Variants in NFIA observed in about 807,000 individuals in gnomAD.
NFIA encodes nuclear factor 1 A-type.
NFIA carries 8 observed loss-of-function variants against 62.8 expected under a neutral mutation model. The ratio of observed to expected loss-of-function variants is 0.13; its 90% CI spans 0.07 to 0.23. The LOEUF is 0.23. Among genes scored for constraint, NFIA ranks in the 10% least tolerant of loss-of-function variants. The probability of loss-of-function intolerance (pLI) is 1.00; values close to 1 mark genes in which losing one functional copy is unlikely to be tolerated. For missense variants in NFIA, 410 were observed against 642.1 expected (o/e 0.64, Z 3.91); for synonymous variants, 235 against 238.1 (o/e 0.99, Z 0.12).
chr1:61,306,269 C>CTTTTTTTTTTTTTTTTTTTTTTTTTTTTT (rs774297484), intron 3 of NFIA, among the ~76,000 whole-genome samples: 1 of 60,614 alleles, frequency 1.6e-5, no homozygotes, highest in Non-Finnish European at 2.7e-5. Flanking sequence ...AGATTTTGTT[C>CTTTTTTTTTTTTTTTTTTTTTTTTTTTTT]TTTTTTTTTT....
chr1:61,295,166 A>G (rs1227144308), intron 3 of NFIA, among the ~76,000 whole-genome samples: 1 of 152,182 alleles, frequency 6.6e-6, no homozygotes, highest in African/African-American at 2.4e-5. Flanking sequence ...AGCTGTCCTA[A>G]GTGCAGCACT....
chr1:61,336,088 G>A (rs1661591777), intron 4 of NFIA, among the ~76,000 whole-genome samples: 1 of 152,068 alleles, frequency 6.6e-6, no homozygotes, highest in African/African-American at 2.4e-5. Flanking sequence ...TAAGCAACTT[G>A]CTCTTTTTCC....
chr1:61,134,282 GTGTGTA>G (rs1420526076), intron 2 of NFIA, among the ~76,000 whole-genome samples: 1 of 100,866 alleles, frequency 9.9e-6, no homozygotes, highest in African/African-American at 3.6e-5. Flanking sequence ...GTGTGTGTGT[GTGTGTA>G]CAGAAAATCC....
intron 9 of NFIA, among the ~76,000 whole-genome samples, chr1:61,421,208 A>G (rs1042741361): frequency 2.0e-5 from 3 of 152,070 alleles, no homozygotes; most frequent in Admixed American, 6.6e-5. Flanking sequence ...TTAGGCACTC[A>G]TGTTTCCATC....
At position 61,301,083 on chromosome 1, in the gene NFIA, G is replaced by T. The variant is rs139362460; in HGVS notation, c.625+23498G>T. Among the ~76,000 whole-genome samples, 343 of 152,224 alleles carry T rather than the reference G, an allele frequency of 2.3e-3. 1 individual carries two copies. The highest frequency in any genetic ancestry group is 3.6e-3 in the Non-Finnish European group (244 of 68,000). ...ATTACCCATGAGAAAATACATACCAGTTCCTCAAGGGAAGGAAGCTTTCCC... is the reference window on the plus strand; with the variant it reads ...ATTACCCATGAGAAAATACATACCATTTCCTCAAGGGAAGGAAGCTTTCCC... On this transcript the variant is annotated intron_variant, in intron 3 of 10. Transcript: ENST00000403491.
At chr1:61,384,142 A>G (rs17122069) in intron 7 of NFIA, among the ~76,000 whole-genome samples, 1,919 of 152,280 alleles carry the variant, frequency 0.013, 32 homozygotes, top group East Asian at 0.044. Context: ...AATTGTAGCC[A>G]TGTTTGCTTT....
At chr1:61,362,508 G>A (rs1663352349) in intron 6 of NFIA, among the ~76,000 whole-genome samples, 1 of 152,164 alleles carries the variant, frequency 6.6e-6, no homozygotes, top group African/African-American at 2.4e-5. Context: ...GAGGGCCAAA[G>A]GTTGCCAGAA....
intron 9 of NFIA, among the ~76,000 whole-genome samples, chr1:61,413,615 C>CTTTTTTTTTTT: frequency 1.5e-5 from 1 of 68,374 alleles, no homozygotes; most frequent in Non-Finnish European, 2.5e-5. Flanking sequence ...AAGTATTTTG[C>CTTTTTTTTTTT]TTTTTTTTTT....
intron 4 of NFIA, among the ~76,000 whole-genome samples, chr1:61,335,557 A>C (rs1161121512): frequency 6.6e-6 from 1 of 152,134 alleles, no homozygotes; most frequent in Non-Finnish European, 1.5e-5. Context: ...GAAATAAGCT[A>C]ACTGGCCAGG....
At chr1:61,230,098 A>G (rs1654578376) in intron 2 of NFIA, among the ~76,000 whole-genome samples, 1 of 152,230 alleles carries the variant, frequency 6.6e-6, no homozygotes, top group Non-Finnish European at 1.5e-5. Flanking sequence ...ATCTACCTAG[A>G]CAAAAGGTTT....
intron 2 of NFIA, among the ~76,000 whole-genome samples, chr1:61,266,348 A>AT (rs918512510): frequency 6.6e-6 from 1 of 151,494 alleles, no homozygotes; most frequent in South Asian, 2.1e-4. Context: ...GAAAGAGCTA[A>AT]TTTTTTTTCT....
At position 61,461,243 on chromosome 1, in the gene NFIA, T is replaced by C. The variant is rs1457750075; in HGVS notation, c.*5923T>C. 6.6e-6 allele frequency: 1 copy of C among 152,192 alleles called. No homozygotes were observed. Among genetic ancestry groups the C allele is most frequent in the Non-Finnish European group, 1.5e-5 (1 of 68,028 alleles). The allele number at this position is 152,192 out of a possible 1,614,324, so 9.4% of individuals were successfully genotyped here. A position where few individuals can be genotyped will look rare whatever the true frequency, so the allele number is the denominator to read the frequency against. On this transcript the variant is annotated 3_prime_UTR_variant, in exon 11 of 11. Transcript: ENST00000403491. ...CAATGTTCAAGCCAGGTACCCATGCTTGATCTGTCTTCACACCAGACCTCC... is the reference window on the plus strand; with the variant it reads ...CAATGTTCAAGCCAGGTACCCATGCCTGATCTGTCTTCACACCAGACCTCC...
rs181954571 is a variant in NFIA, at chr1:61,203,674, T to C, written c.560-73846T>C. ...ATGTAGTGGTTAAATCTGGTTTACGTTGTAGTTGTTTGTGTGTAAGGAGGT... is the reference window on the plus strand; with the variant it reads ...ATGTAGTGGTTAAATCTGGTTTACGCTGTAGTTGTTTGTGTGTAAGGAGGT... On this transcript the variant is annotated intron_variant, in intron 2 of 10. Coordinates refer to ENST00000403491, the MANE Select transcript of NFIA (RefSeq NM_001134673.4). 2.6e-5 allele frequency among the ~76,000 whole-genome samples: 4 copies of C among 152,264 alleles called. No homozygotes were observed. The East Asian group carries it at 7.7e-4, about 29-fold the overall frequency.
At chr1:61,303,720 T>A (rs1207708006) in intron 3 of NFIA, among the ~76,000 whole-genome samples, 1 of 152,192 alleles carries the variant, frequency 6.6e-6, no homozygotes, top group Admixed American at 6.5e-5. Context: ...GGCACTACCC[T>A]TACAGTTTCT....
intron 7 of NFIA, among the ~76,000 whole-genome samples, chr1:61,401,030 A>AATT (rs3075395): frequency 0.52 from 78,797 of 151,648 alleles, 20,830 homozygotes; most frequent in East Asian, 0.83. Context: ...ATTTAATAAT[A>AATT]ACTAGAGCTT....
intron 3 of NFIA, among the ~76,000 whole-genome samples, chr1:61,321,807 A>G (rs763691320): frequency 2.3e-4 from 35 of 152,038 alleles, no homozygotes; most frequent in Non-Finnish European, 4.4e-5. Flanking sequence ...TTTCACTTTT[A>G]TTTTTAGATA....
At chr1:61,183,816 C>T (rs1570331769) in intron 2 of NFIA, among the ~76,000 whole-genome samples, 1 of 152,058 alleles carries the variant, frequency 6.6e-6, no homozygotes, top group African/African-American at 2.4e-5. Context: ...TTCCCCTTCC[C>T]TTTCCACCGT....
chr1:61,290,710 A>G (rs924845420), intron 3 of NFIA, among the ~76,000 whole-genome samples: 5 of 152,190 alleles, frequency 3.3e-5, no homozygotes, highest in African/African-American at 9.7e-5. Flanking sequence ...TGTCCTTTCA[A>G]TTCTAGTGGA....
chr1:61,246,755 C>T (rs1037974999), intron 2 of NFIA, among the ~76,000 whole-genome samples: 3 of 152,182 alleles, frequency 2.0e-5, no homozygotes, highest in Admixed American at 1.3e-4. Context: ...TCATTGTTAA[C>T]GTGTACCGAG....
Sources: gnomAD v4.1 joint callset for allele counts (sites outside exome capture counted in the v4.1 genomes callset) on GRCh38, gnomAD v4.1.1 for gene constraint, MANE v1.5 for transcripts, NCBI Gene and HGNC (gene_info 2026-07-23, HGNC 2026-07-21) for gene names.